PLAC1: variants seen among roughly 807,000 people sequenced by gnomAD.
The protein encoded by PLAC1 is placenta-specific protein 1.
For synonymous variants in PLAC1, 68 were observed against 62.1 expected (o/e 1.09, Z -0.44); for missense variants, 136 against 163.2 (o/e 0.83, Z 0.91).
At chrX:134,732,654 T>C (rs2078692082) in intron 2 of PLAC1, among the ~76,000 whole-genome samples, 1 of 112,268 alleles carries the variant, frequency 8.9e-6, no homozygotes, top group Non-Finnish European at 1.9e-5. Context: ...TGTTGCCAGG[T>C]TATCAAAAAG....
intron 2 of PLAC1, among the ~76,000 whole-genome samples, chrX:134,577,427 G>A (rs2077945229): frequency 1.8e-5 from 2 of 111,744 alleles, no homozygotes; most frequent in Admixed American, 9.5e-5. Flanking sequence ...AGTGGCTCAC[G>A]CCTGTAATCT....
At chrX:134,616,721 T>G (rs2078184114) in intron 1 of PLAC1, among the ~76,000 whole-genome samples, 1 of 111,971 alleles carries the variant, frequency 8.9e-6, no homozygotes, top group Non-Finnish European at 1.9e-5. Flanking sequence ...AGAATTGTTT[T>G]TCTCTTTCTG....
chrX:134,645,077 C>T (rs1214162963), intron 1 of PLAC1, among the ~76,000 whole-genome samples: 3 of 111,928 alleles, frequency 2.7e-5, no homozygotes, highest in Non-Finnish European at 5.6e-5. Context: ...TTTATTGTCT[C>T]CTACTCCCTT....
intron 2 of PLAC1, among the ~76,000 whole-genome samples, chrX:134,721,903 C>T (rs1232189686): frequency 9.0e-6 from 1 of 111,393 alleles, no homozygotes; most frequent in African/African-American, 3.3e-5. Context: ...CAGATAATAA[C>T]AGGAAGTGTT....
intron 2 of PLAC1, among the ~76,000 whole-genome samples, chrX:134,583,513 T>C (rs184752872): frequency 9.3e-6 from 1 of 107,635 alleles, no homozygotes; most frequent in Admixed American, 1.0e-4. Context: ...ACTTCCTAGC[T>C]GTGTGACCTT....
chrX:134,618,076 T>C (rs1387506867), intron 1 of PLAC1, among the ~76,000 whole-genome samples: 1 of 112,189 alleles, frequency 8.9e-6, no homozygotes, highest in East Asian at 2.8e-4. Context: ...ACTGCACCAA[T>C]TGTTCCTCCC....
chrX:134,578,577 C>T (rs181740769), intron 2 of PLAC1, among the ~76,000 whole-genome samples: 2 of 82,498 alleles, frequency 2.4e-5, no homozygotes, highest in Admixed American at 1.8e-4. Flanking sequence ...GGAGTGTAGT[C>T]GTGCAATCAC....
At chrX:134,696,845 TGTGA>T (rs1186703068) in intron 2 of PLAC1, among the ~76,000 whole-genome samples, 2 of 109,116 alleles carry the variant, frequency 1.8e-5, no homozygotes, top group African/African-American at 6.7e-5. Flanking sequence ...TGGCTAACTC[TGTGA>T]AAACCCATCT....
At chrX:134,740,377 C>G (rs1390122339) in intron 1 of PLAC1, among the ~76,000 whole-genome samples, 2 of 109,392 alleles carry the variant, frequency 1.8e-5, no homozygotes, top group African/African-American at 3.3e-5. Flanking sequence ...AGTGAATGAT[C>G]AACAGCTGTA....
chrX:134,629,552 C>T (rs1272148866), intron 1 of PLAC1, among the ~76,000 whole-genome samples: 2 of 111,741 alleles, frequency 1.8e-5, no homozygotes, highest in African/African-American at 6.5e-5. Context: ...ATTTTTAAAA[C>T]ATATATCCTG....
intron 2 of PLAC1, among the ~76,000 whole-genome samples, chrX:134,716,673 C>T (rs771930245): frequency 8.9e-6 from 1 of 112,281 alleles, no homozygotes; most frequent in Non-Finnish European, 1.9e-5. Flanking sequence ...TTCCACTGGG[C>T]GAAGATCTTC....
chrX:134,628,667 C>T (rs920703592), intron 1 of PLAC1, among the ~76,000 whole-genome samples: 9 of 112,208 alleles, frequency 8.0e-5, no homozygotes, highest in African/African-American at 2.9e-4. Context: ...TTGTAGAATC[C>T]TAATGTTATG....
chrX:134,582,782 G>A (rs925498744), intron 2 of PLAC1, among the ~76,000 whole-genome samples: 1 of 111,421 alleles, frequency 9.0e-6, no homozygotes, highest in Non-Finnish European at 1.9e-5. Flanking sequence ...TGAGTGCAAT[G>A]TATTTGGACA....
intron 2 of PLAC1, among the ~76,000 whole-genome samples, chrX:134,721,187 C>G (rs372799089): frequency 8.0e-5 from 9 of 112,311 alleles, no homozygotes. Flanking sequence ...AATAAGTACA[C>G]GAAAAGATGC....
chrX:134,751,940 A>G (rs2078745831), intron 1 of PLAC1, among the ~76,000 whole-genome samples: 1 of 112,400 alleles, frequency 8.9e-6, no homozygotes, highest in African/African-American at 3.2e-5. Context: ...GGCTGCTCCC[A>G]GTGATGCAAG....
At chrX:134,617,481 T>C (rs1205218803) in intron 1 of PLAC1, among the ~76,000 whole-genome samples, 1 of 112,141 alleles carries the variant, frequency 8.9e-6, no homozygotes, top group Non-Finnish European at 1.9e-5. Context: ...CAAATGGTCT[T>C]TACTGTGTTG....
intron 2 of PLAC1, among the ~76,000 whole-genome samples, chrX:134,592,949 G>C (rs1024840801): frequency 1.8e-5 from 2 of 109,226 alleles, no homozygotes; most frequent in African/African-American, 3.3e-5. Flanking sequence ...GGATGGTCTC[G>C]ATCTCCTGAC....
At chrX:134,644,850 C>A (rs1169213778) in intron 1 of PLAC1, among the ~76,000 whole-genome samples, 2 of 111,810 alleles carry the variant, frequency 1.8e-5, no homozygotes, top group Non-Finnish European at 3.8e-5. Context: ...TGTCTCTAGT[C>A]CAGGCGCATG....
intron 2 of PLAC1, among the ~76,000 whole-genome samples, chrX:134,723,762 C>T (rs1420691691): frequency 1.8e-5 from 2 of 110,916 alleles, no homozygotes; most frequent in Non-Finnish European, 3.8e-5. Context: ...ATTTAGATTC[C>T]ATTGAATACC....
Sources: gnomAD v4.1 joint callset for allele counts (sites outside exome capture counted in the v4.1 genomes callset) on GRCh38, gnomAD v4.1.1 for gene constraint, MANE v1.5 for transcripts, NCBI Gene and HGNC (gene_info 2026-07-23, HGNC 2026-07-21) for gene names.